Variants in PIKFYVE observed in about 807,000 individuals in gnomAD.
PIKFYVE encodes phosphoinositide kinase, FYVE-type zinc finger containing.
A neutral mutation model predicts 257.9 loss-of-function variants in PIKFYVE; 122 were observed. The ratio of observed to expected loss-of-function variants is 0.47; its 90% CI spans 0.41 to 0.55. The LOEUF is 0.55. Ranked by LOEUF, PIKFYVE falls within the 20% of genes least tolerant of loss-of-function variation. PIKFYVE has a pLI of 0.00. For synonymous variants in PIKFYVE, 892 were observed against 868.9 expected, an observed-to-expected ratio of 1.03 and a Z score of -0.47; for missense variants, 2,160 against 2,536.6, an observed-to-expected ratio of 0.85 and a Z score of 3.19.
intron 23 of PIKFYVE, 92 bp downstream of exon 23, chr2:208,330,786 T>C: frequency 2.3e-6 from 3 of 1,281,480 alleles, no homozygotes; most frequent in Non-Finnish European, 3.3e-6. Context: ...TATATGGTAC[T>C]GGATTCGTTA....
At chr2:208,354,387 T>C (rs546479515) in intron 40 of PIKFYVE, among the ~76,000 whole-genome samples, 184 bp from the exon 41 acceptor site, 1 of 152,230 alleles carries the variant, frequency 6.6e-6, no homozygotes, top group Non-Finnish European at 1.5e-5. Flanking sequence ...ATGAGGACTT[T>C]TGTGATTGTT....
intron 7 of PIKFYVE, among the ~76,000 whole-genome samples, chr2:208,295,829 A>G (rs542959564): frequency 1.6e-4 from 25 of 152,194 alleles, no homozygotes; most frequent in Non-Finnish European, 1.5e-4. Flanking sequence ...ATATCTTACT[A>G]ATCTTTCAGT....
At chr2:208,351,817 A>G (rs192285649) in intron 38 of PIKFYVE, among the ~76,000 whole-genome samples, 1 of 152,212 alleles carries the variant, frequency 6.6e-6, no homozygotes, top group Non-Finnish European at 1.5e-5. Flanking sequence ...TATTACTGCA[A>G]GGACGGCACC....
chr2:208,292,389 G>A (rs1692430144), intron 7 of PIKFYVE, among the ~76,000 whole-genome samples: 1 of 152,064 alleles, frequency 6.6e-6, no homozygotes, highest in Non-Finnish European at 1.5e-5. Flanking sequence ...TCTGATAGAG[G>A]GGTTAAAGTC....
chr2:208,330,131 T>C (rs1236231611), intron 22 of PIKFYVE, among the ~76,000 whole-genome samples: 3 of 152,162 alleles, frequency 2.0e-5, no homozygotes, highest in Non-Finnish European at 4.4e-5. Context: ...CCCATCTAAT[T>C]ACCCTACCAT....
chr2:208,285,899 A>G lies in PIKFYVE; in HGVS notation c.787A>G (p.Asn263Asp). 5 of 1,614,218 alleles carry G rather than the reference A, an allele frequency of 3.1e-6. No individual in the cohort carries two copies. The highest frequency in any genetic ancestry group is 4.2e-6 in the Non-Finnish European group (5 of 1,180,040). The change falls in exon 6 of 42, where the codon AAC becomes GAC. Residue 263 changes from asparagine (N) to aspartate (D), a missense_variant. This residue lies in a region of PIKFYVE where 187 missense variants were observed against 185.6 expected (regional missense o/e 1.01). Transcript: ENST00000264380. ...TPVGSRKASR[N>D]IFLEDDLAWQ... ...TGTTGGGAGTAGGAAAGCCAGCCGTAACATATTTTTAGAGGATGATTTGGC... is the reference window on the plus strand; with the variant it reads ...TGTTGGGAGTAGGAAAGCCAGCCGTGACATATTTTTAGAGGATGATTTGGC...
chr2:208,283,087 C>T (rs754871725), intron 5 of PIKFYVE, among the ~76,000 whole-genome samples: 2 of 152,098 alleles, frequency 1.3e-5, no homozygotes, highest in Non-Finnish European at 2.9e-5. Flanking sequence ...TAACAGGCTA[C>T]GGACGGGGAG....
chr2:208,322,950 G>GT (rs1036996218), intron 17 of PIKFYVE, among the ~76,000 whole-genome samples: 2 of 148,880 alleles, frequency 1.3e-5, no homozygotes, highest in African/African-American at 2.5e-5. Context: ...GCGGTGTTTG[G>GT]TTTTTTGTCC....
intron 7 of PIKFYVE, among the ~76,000 whole-genome samples, chr2:208,291,201 T>C (rs559539204): frequency 7.9e-5 from 12 of 152,158 alleles, no homozygotes; most frequent in Non-Finnish European, 1.3e-4. Flanking sequence ...TGAGAGTTTT[T>C]ATAATGAAGG....
chr2:208,289,903 T>G (rs1394037183), intron 7 of PIKFYVE, among the ~76,000 whole-genome samples: 2 of 152,196 alleles, frequency 1.3e-5, no homozygotes, highest in Non-Finnish European at 2.9e-5. Flanking sequence ...GTATGCATAT[T>G]TTCTGAACCA....
At chr2:208,335,674 C>G (rs1189008945) in intron 25 of PIKFYVE, 119 bp from the exon 26 acceptor site, 8 of 913,426 alleles carry the variant, frequency 8.8e-6, no homozygotes, top group Non-Finnish European at 1.4e-5. Flanking sequence ...GTATGTAATT[C>G]TTAATTAGGT....
At chr2:208,288,328 AC>A (rs1287849739) in intron 6 of PIKFYVE, among the ~76,000 whole-genome samples, 6 of 152,184 alleles carry the variant, frequency 3.9e-5, no homozygotes, top group Admixed American at 6.5e-5. Context: ...TCGAGCCTGC[AC>A]TTGGACCTAG....
intron 7 of PIKFYVE, among the ~76,000 whole-genome samples, chr2:208,291,237 T>C (rs533310926): frequency 2.0e-5 from 3 of 152,168 alleles, no homozygotes; most frequent in Admixed American, 6.5e-5. Context: ...CAAATGCTTT[T>C]TCTGTATCAA....
At chr2:208,323,751 C>G (rs1439884030) in intron 17 of PIKFYVE, among the ~76,000 whole-genome samples, 4 of 152,196 alleles carry the variant, frequency 2.6e-5, no homozygotes, top group Non-Finnish European at 5.9e-5. Context: ...TCCTATTTCT[C>G]CACATCCTCT....
intron 5 of PIKFYVE, among the ~76,000 whole-genome samples, chr2:208,283,377 T>C (rs1214261770): frequency 6.6e-6 from 1 of 152,230 alleles, no homozygotes; most frequent in Non-Finnish European, 1.5e-5. Flanking sequence ...CATATAGGCA[T>C]GCGCTTAATA....
intron 20 of PIKFYVE, 107 bp from the exon 21 acceptor site, chr2:208,328,073 C>T (rs1697135646): frequency 3.1e-6 from 5 of 1,588,572 alleles, no homozygotes; most frequent in Non-Finnish European, 3.4e-6. Flanking sequence ...ACCAGAGCCC[C>T]CACAGTGATA....
rs1403689856 is a variant in PIKFYVE, at chr2:208,325,046, T to G, written c.2458+9T>G. The G allele has an allele frequency of 6.2e-7, 1 of 1,614,134 alleles. No individual in the cohort carries two copies. The highest frequency in any genetic ancestry group is 1.7e-5 in the Admixed American group (1 of 60,024). The stretch of plus-strand genomic sequence containing the variant: ...ATTTCAGTTGCCTAATGGTGAGTGA[T>G]CTTTAGCATAGATTGACCTGAGGAA... On this transcript the variant is annotated intron_variant, in intron 19 of 41. Coordinates refer to ENST00000264380, the MANE Select transcript of PIKFYVE (RefSeq NM_015040.4).
At chr2:208,326,519 C>CTGCA (rs1696939897) in intron 20 of PIKFYVE, 90 bp downstream of exon 20, 1 of 1,352,962 alleles carries the variant, frequency 7.4e-7, no homozygotes, top group East Asian at 2.3e-5. Flanking sequence ...GTTTGGCAGA[C>CTGCA]TGCATGCAGA....
chr2:208,277,763 C>T (rs773043002), intron 5 of PIKFYVE, 55 bp downstream of exon 5: 195 of 1,574,576 alleles, frequency 1.2e-4, no homozygotes, highest in Non-Finnish European at 1.6e-4. Flanking sequence ...CTATAAGACA[C>T]TTATAATACA....
Sources: allele counts gnomAD v4.1 joint callset (sites outside exome capture counted in the v4.1 genomes callset), GRCh38; gene constraint gnomAD v4.1.1; regional missense constraint gnomAD v4.1.1; transcripts MANE v1.5; gene names NCBI Gene and HGNC (gene_info 2026-07-23, HGNC 2026-07-21).